The following PHACTR1 variants were observed in gnomAD, a reference collection of about 807,000 sequenced individuals.
The protein encoded by PHACTR1 is phosphatase and actin regulator 1.
A neutral mutation model predicts 69.2 loss-of-function variants in PHACTR1; 16 were observed. The ratio of observed to expected loss-of-function variants is 0.23; its 90% CI spans 0.16 to 0.35. The LOEUF is 0.35. Ranked by LOEUF, PHACTR1 falls within the 10% of genes least tolerant of loss-of-function variation. The pLI, the probability that PHACTR1 is intolerant of heterozygous loss-of-function variation, is 1.00. For missense variants in PHACTR1, 510 were observed against 734.7 expected, an observed-to-expected ratio of 0.69 and a Z score of 3.54; for synonymous variants, 312 against 284.5, an observed-to-expected ratio of 1.10 and a Z score of -0.97.
At chr6:12,840,424 C>G (rs569974098) in intron 4 of PHACTR1, among the ~76,000 whole-genome samples, 1 of 152,244 alleles carries the variant, frequency 6.6e-6, no homozygotes, top group Non-Finnish European at 1.5e-5. Flanking sequence ...ATGCTAACAA[C>G]CTAAGCATAA....
intron 5 of PHACTR1, among the ~76,000 whole-genome samples, chr6:13,070,157 C>T (rs1251111610): frequency 1.3e-5 from 2 of 152,188 alleles, no homozygotes; most frequent in Non-Finnish European, 2.9e-5. Flanking sequence ...AATTAAGCCT[C>T]AATTTCATTT....
chr6:13,051,883 C>T (rs2127733824), intron 4 of PHACTR1, among the ~76,000 whole-genome samples: 1 of 152,198 alleles, frequency 6.6e-6, no homozygotes, highest in South Asian at 2.1e-4. Flanking sequence ...TTTAAGTGGC[C>T]ACTTAATCAA....
intron 4 of PHACTR1, among the ~76,000 whole-genome samples, chr6:12,943,092 A>G (rs555280912): frequency 6.6e-6 from 1 of 152,366 alleles, no homozygotes; most frequent in East Asian, 1.9e-4. Context: ...GTTACTCACA[A>G]TAGCCAAAAG....
intron 4 of PHACTR1, among the ~76,000 whole-genome samples, chr6:12,919,390 C>G (rs1787391746): frequency 6.6e-6 from 1 of 152,138 alleles, no homozygotes; most frequent in South Asian, 2.1e-4. Context: ...ATCTGCCTGC[C>G]TCGGCCTCCC....
At chr6:12,742,900 G>A (rs762033594) in intron 3 of PHACTR1, among the ~76,000 whole-genome samples, 2 of 152,104 alleles carry the variant, frequency 1.3e-5, no homozygotes, top group African/African-American at 2.4e-5. Context: ...AAAATATTCA[G>A]TAAGCTTATC....
intron 4 of PHACTR1, among the ~76,000 whole-genome samples, chr6:12,960,988 A>C (rs6906890): frequency 1.3e-5 from 2 of 152,060 alleles, no homozygotes; most frequent in African/African-American, 4.8e-5. Context: ...ATTACTCTAA[A>C]GGGTAAAGAT....
intron 10 of PHACTR1, among the ~76,000 whole-genome samples, chr6:13,232,824 C>T (rs1771432399): frequency 6.6e-6 from 1 of 152,174 alleles, no homozygotes; most frequent in Non-Finnish European, 1.5e-5. Context: ...ACATTATCCT[C>T]TAGGGAATCA....
chr6:13,003,531 T>A (rs1225660154), intron 4 of PHACTR1, among the ~76,000 whole-genome samples: 1 of 151,704 alleles, frequency 6.6e-6, no homozygotes, highest in African/African-American at 2.4e-5. Context: ...CTTCCAGGAA[T>A]TTTTTTTTCT....
At chr6:13,219,393 G>C (rs958059187) in intron 8 of PHACTR1, among the ~76,000 whole-genome samples, 1 of 152,206 alleles carries the variant, frequency 6.6e-6, no homozygotes, top group Non-Finnish European at 1.5e-5. Context: ...GTCGGGCAGG[G>C]ACGGGGCACT....
intron 5 of PHACTR1, among the ~76,000 whole-genome samples, chr6:13,069,823 A>G (rs1414189586): frequency 1.3e-5 from 2 of 152,192 alleles, no homozygotes; most frequent in African/African-American, 4.8e-5. Flanking sequence ...ATCTTGCAAC[A>G]GACCTATATA....
chr6:13,072,801 C>T (rs1251306955), intron 5 of PHACTR1, among the ~76,000 whole-genome samples: 1 of 152,044 alleles, frequency 6.6e-6, no homozygotes, highest in African/African-American at 2.4e-5. Flanking sequence ...TTTATGGGCC[C>T]TTGCTTTCCA....
intron 5 of PHACTR1, among the ~76,000 whole-genome samples, chr6:13,079,553 G>A (rs1159865435): frequency 2.0e-5 from 3 of 151,972 alleles, no homozygotes; most frequent in East Asian, 1.9e-4. Context: ...GCAGATAGAC[G>A]GCACTGGGAT....
chr6:13,141,724 CTTTTTT>C (rs577073698), intron 5 of PHACTR1, among the ~76,000 whole-genome samples: 25 of 89,836 alleles, frequency 2.8e-4, no homozygotes, highest in South Asian at 4.0e-4. Context: ...TTTCTTCTTT[CTTTTTT>C]TTTTTTTTTT....
At chr6:12,738,281 C>T (rs1424340413) in intron 3 of PHACTR1, among the ~76,000 whole-genome samples, 1 of 152,166 alleles carries the variant, frequency 6.6e-6, no homozygotes. Context: ...ATATATTTCC[C>T]TAGACATCAC....
intron 6 of PHACTR1, among the ~76,000 whole-genome samples, chr6:13,177,321 G>T (rs73371745): frequency 6.6e-6 from 1 of 151,634 alleles, no homozygotes; most frequent in Non-Finnish European, 1.5e-5. Flanking sequence ...GCAACACTCT[G>T]AGAGCAAGAC....
rs1311337218 is a variant in PHACTR1 at position 12,836,364 on chromosome 6, C to T, written c.250+86574C>T. On this transcript the variant is annotated intron_variant, in intron 4 of 14. Transcript: ENST00000332995. ...TTTACCTGAATTCTTTTGGTGGCAC[C>T]GTTTGGTAAACCTAAAGAAATCAAA... is the stretch of plus-strand genomic sequence containing the variant. 8.5e-5 allele frequency among the ~76,000 whole-genome samples: 13 copies of T among 152,204 alleles called. 1 individual carries two copies. The highest frequency in any genetic ancestry group is 7.9e-4 in the Admixed American group (12 of 15,284).
intron 10 of PHACTR1, among the ~76,000 whole-genome samples, chr6:13,234,849 T>A (rs1264571227): frequency 6.6e-6 from 1 of 152,156 alleles, no homozygotes. Flanking sequence ...TTGCTCCTCC[T>A]CCATATGTAT....
At chr6:13,287,007 T>G in intron 14 of PHACTR1, 56 bp from the exon 15 acceptor site, 1 of 1,588,210 alleles carries the variant, frequency 6.3e-7, no homozygotes, top group African/African-American at 1.3e-5. Context: ...ATTGGACTGT[T>G]GAATCCTGCA....
At chr6:12,806,838 T>C (rs1428774539) in intron 4 of PHACTR1, among the ~76,000 whole-genome samples, 1 of 152,226 alleles carries the variant, frequency 6.6e-6, no homozygotes, top group African/African-American at 2.4e-5. Flanking sequence ...GCAAAATGGC[T>C]GTCCTTAAAA....
Sources: gnomAD v4.1 joint callset for allele counts (sites outside exome capture counted in the v4.1 genomes callset) on GRCh38, gnomAD v4.1.1 for gene constraint, MANE v1.5 for transcripts, NCBI Gene and HGNC (gene_info 2026-07-23, HGNC 2026-07-21) for gene names.